Variants in ELMO1 observed in about 807,000 individuals in gnomAD.
ELMO1 encodes the protein engulfment and cell motility protein 1.
Under a neutral mutation model 98.9 loss-of-function variants are expected in ELMO1, and 26 were observed. That is an observed-to-expected ratio of 0.26 (90% confidence interval 0.19 to 0.36). The LOEUF is 0.36. ELMO1 is among the 10% of genes least tolerant of loss of function. The pLI, the probability that ELMO1 is intolerant of heterozygous loss-of-function variation, is 1.00. For missense variants in ELMO1, 627 were observed against 935.2 expected, an observed-to-expected ratio of 0.67 and a Z score of 4.30; for synonymous variants, 346 against 346.0, an observed-to-expected ratio of 1.00 and a Z score of 0.00.
At chr7:37,374,778 C>T (rs1365774331) in intron 1 of ELMO1, among the ~76,000 whole-genome samples, 1 of 148,834 alleles carries the variant, frequency 6.7e-6, no homozygotes, top group Non-Finnish European at 1.5e-5. Context: ...AAATAAATAT[C>T]TTGGCTGGGC....
intron 1 of ELMO1, among the ~76,000 whole-genome samples, chr7:37,400,658 C>T (rs192983127): frequency 1.3e-5 from 2 of 152,282 alleles, no homozygotes; most frequent in African/African-American, 4.8e-5. Context: ...CTTTCAGTTA[C>T]TCCAGAATAT....
chr7:36,874,563 C>T (rs984390918), intron 19 of ELMO1, among the ~76,000 whole-genome samples: 6 of 152,206 alleles, frequency 3.9e-5, no homozygotes, highest in East Asian at 1.9e-4. Context: ...CTGAATTATT[C>T]GCTGTGCTTT....
intron 16 of ELMO1, among the ~76,000 whole-genome samples, chr7:37,007,540 G>A (rs919617578): frequency 1.3e-5 from 2 of 152,154 alleles, no homozygotes; most frequent in African/African-American, 2.4e-5. Context: ...CCCTAGGCCA[G>A]CTCAGCTAAC....
intron 13 of ELMO1, among the ~76,000 whole-genome samples, chr7:37,173,601 A>C (rs1425548489): frequency 1.3e-5 from 2 of 152,238 alleles, no homozygotes; most frequent in Non-Finnish European, 2.9e-5. Context: ...AGCACAGTCC[A>C]AGTTTTCCCT....
intron 4 of ELMO1, among the ~76,000 whole-genome samples, chr7:37,309,367 G>A (rs79961137): frequency 0.033 from 5,095 of 152,200 alleles, 284 homozygotes; most frequent in African/African-American, 0.12. Flanking sequence ...ACCACAACAC[G>A]TGGGAATTAT....
At chr7:37,177,014 C>T (rs1790533545) in intron 13 of ELMO1, among the ~76,000 whole-genome samples, 1 of 152,104 alleles carries the variant, frequency 6.6e-6, no homozygotes, top group African/African-American at 2.4e-5. Context: ...AAAAGTGACC[C>T]AGCAGAAATG....
chr7:37,128,468 G>A (rs528951601), intron 14 of ELMO1, among the ~76,000 whole-genome samples: 23 of 152,160 alleles, frequency 1.5e-4, no homozygotes, highest in Non-Finnish European at 3.1e-4. Flanking sequence ...ATCATGCTAT[G>A]CCTCCAGATT....
chr7:37,158,381 T>C (rs950685359), intron 13 of ELMO1, among the ~76,000 whole-genome samples: 6 of 152,062 alleles, frequency 3.9e-5, no homozygotes, highest in Non-Finnish European at 7.3e-5. Context: ...ATCTACAGAA[T>C]GGGAGAAAAA....
intron 15 of ELMO1, among the ~76,000 whole-genome samples, chr7:37,019,560 C>A (rs1274943297): frequency 6.6e-6 from 1 of 152,020 alleles, no homozygotes; most frequent in Non-Finnish European, 1.5e-5. Flanking sequence ...GCAGAGATAG[C>A]CTAAGTCTAA....
At chr7:37,267,038 TACACACACACACACACAC>T (rs60344761) in intron 5 of ELMO1, among the ~76,000 whole-genome samples, 35 of 100,318 alleles carry the variant, frequency 3.5e-4, no homozygotes, top group African/African-American at 7.0e-4. Context: ...TATGTATATA[TACACACACACACACACAC>T]ACACACACAC....
At chr7:37,142,763 A>G (rs1309233397) in intron 13 of ELMO1, among the ~76,000 whole-genome samples, 1 of 152,206 alleles carries the variant, frequency 6.6e-6, no homozygotes, top group East Asian at 1.9e-4. Flanking sequence ...GTTCAGACCT[A>G]TTTCTAGTGT....
chr7:37,369,206 A>G (rs936098184), intron 1 of ELMO1, among the ~76,000 whole-genome samples: 8 of 152,258 alleles, frequency 5.3e-5, no homozygotes, highest in African/African-American at 1.7e-4. Flanking sequence ...GACAGTGCAG[A>G]CCAGTGGCTG....
chr7:37,262,933 G>C (rs1227534574), intron 5 of ELMO1, among the ~76,000 whole-genome samples: 1 of 152,214 alleles, frequency 6.6e-6, no homozygotes, highest in Non-Finnish European at 1.5e-5. Flanking sequence ...GTGTGACAGA[G>C]TGCATCTCAG....
At chr7:37,177,318 G>C (rs971765796) in intron 13 of ELMO1, among the ~76,000 whole-genome samples, 1 of 152,130 alleles carries the variant, frequency 6.6e-6, no homozygotes, top group Non-Finnish European at 1.5e-5. Context: ...AAATATACTA[G>C]CAATTAAAAA....
chr7:37,033,422 C>T (rs1255048222), intron 15 of ELMO1: 4 of 454,494 alleles, frequency 8.8e-6, no homozygotes, highest in Admixed American at 2.4e-5. Context: ...TCTATGAAAA[C>T]AAAGCTTTAT....
intron 14 of ELMO1, among the ~76,000 whole-genome samples, chr7:37,113,206 G>C (rs565044901): frequency 1.3e-5 from 2 of 152,332 alleles, no homozygotes; most frequent in South Asian, 4.1e-4. Flanking sequence ...TGGAACACCA[G>C]AACTCTCTGG....
At chr7:37,062,574 A>C (rs2129215088) in intron 15 of ELMO1, among the ~76,000 whole-genome samples, 1 of 152,310 alleles carries the variant, frequency 6.6e-6, no homozygotes, top group Non-Finnish European at 1.5e-5. Flanking sequence ...TTCCCCAACA[A>C]TAATCCATCT....
chr7:37,418,436 T>A (rs1161033158), intron 1 of ELMO1, among the ~76,000 whole-genome samples: 3 of 152,058 alleles, frequency 2.0e-5, no homozygotes, highest in Non-Finnish European at 2.9e-5. Context: ...CAAAACAGAT[T>A]TTCAAAGTGC....
In ELMO1 at chr7:36,855,689, C is replaced by T. The variant is rs756037174; in HGVS notation, c.2046G>A (p.Thr682=). 4.5e-5 allele frequency: 72 copies of T among 1,614,002 alleles called. No individual in the cohort carries two copies. The highest frequency in any genetic ancestry group is 1.5e-4 in the South Asian group (14 of 91,084). The stretch of plus-strand genomic sequence containing the variant: ...TGAGCAGGGTGTCCAGGTCATTCCG[C>T]GTCAGGTCGCTCATCATGTCCTTCC... ...LLGKDMMSDL[T]RNDLDTLLSM... The change falls in exon 22 of 22, where the codon ACG becomes ACA. Residue 682 remains threonine (T), a synonymous_variant. Coordinates refer to ENST00000310758, the MANE Select transcript of ELMO1 (RefSeq NM_014800.11). This position sits in a 1 kb window ranked among gnomAD's most constrained non-coding sequence, Gnocchi z 4.2.
Sources: allele counts gnomAD v4.1 joint callset (sites outside exome capture counted in the v4.1 genomes callset), GRCh38; gene constraint gnomAD v4.1.1; non-coding constraint Gnocchi (gnomAD v3.1); transcripts MANE v1.5; gene names NCBI Gene and HGNC (gene_info 2026-07-23, HGNC 2026-07-21).